The following ELK3 variants were observed in gnomAD, a reference collection of about 807,000 sequenced individuals.
ELK3 encodes ETS transcription factor ELK3.
ELK3 carries 10 observed loss-of-function variants against 28.9 expected under a neutral mutation model. The ratio of observed to expected loss-of-function variants is 0.35; its 90% confidence interval spans 0.21 to 0.59. The LOEUF (loss-of-function observed/expected upper bound fraction) is 0.59, where lower values mean the gene tolerates loss of function less well. Among genes scored for constraint, ELK3 ranks in the 20% least tolerant of loss-of-function variants. ELK3 has a pLI of 0.82. For missense variants in ELK3, 463 were observed against 517.3 expected, an observed-to-expected ratio of 0.90 and a Z score of 1.02; for synonymous variants, 272 against 243.5, an observed-to-expected ratio of 1.12 and a Z score of -1.09.
chr12:96,198,895 C>T (rs2193762), intron 1 of ELK3, among the ~76,000 whole-genome samples: 139,643 of 152,304 alleles, frequency 0.92, 64,130 homozygotes, highest in East Asian at 1. Context: ...TAATTAGTAC[C>T]GAGACCGAAA....
chr12:96,215,585 A>C (rs1951608679), intron 1 of ELK3, among the ~76,000 whole-genome samples: 1 of 152,068 alleles, frequency 6.6e-6, no homozygotes, highest in South Asian at 2.1e-4. Flanking sequence ...GAATGAATCA[A>C]AGTTAAATAA....
At chr12:96,231,938 T>C (rs565882147) in intron 2 of ELK3, among the ~76,000 whole-genome samples, 41 of 152,256 alleles carry the variant, frequency 2.7e-4, no homozygotes, top group African/African-American at 9.4e-4. Flanking sequence ...AAACCAATTT[T>C]AGTAGAGAAC....
At chr12:96,249,685 G>A (rs1460366430) in intron 3 of ELK3, among the ~76,000 whole-genome samples, 2 of 19,430 alleles carry the variant, frequency 1.0e-4, no homozygotes, top group African/African-American at 4.1e-4. Flanking sequence ...TGGGAGCCTG[G>A]ATCACCTTCT....
chr12:96,218,334 C>A (rs548209727), intron 1 of ELK3, among the ~76,000 whole-genome samples: 1 of 152,206 alleles, frequency 6.6e-6, no homozygotes, highest in Non-Finnish European at 1.5e-5. Flanking sequence ...TAAAAGCAGA[C>A]TGATGGGCCT....
At position 96,269,206 on chromosome 12, in the gene ELK3, C is replaced by T. The variant is rs113288723; in HGVS notation, c.*2026C>T. The T allele has an allele frequency of 2.0e-5, 3 of 152,246 alleles. No homozygotes were observed. The highest frequency in any genetic ancestry group is 1.9e-4 in the East Asian group (1 of 5,186). The allele number at this position is 152,246 out of a possible 1,614,324, so 9.4% of individuals were successfully genotyped here. A position where few individuals can be genotyped will look rare whatever the true frequency, so the allele number is the denominator to read the frequency against. Reference sequence around the variant, plus strand: ...TTAAGTAATTACTGGTTCAAAACTACGTGTTATTAGTAAAACAAACAAAAC... The same window carrying T: ...TTAAGTAATTACTGGTTCAAAACTATGTGTTATTAGTAAAACAAACAAAAC... On this transcript the variant is annotated 3_prime_UTR_variant, in exon 5 of 5. Coordinates refer to ENST00000228741, the MANE Select transcript of ELK3 (RefSeq NM_005230.4).
intron 1 of ELK3, chr12:96,212,647 G>A (rs2137006496): frequency 6.6e-6 from 1 of 152,330 alleles, no homozygotes; most frequent in South Asian, 2.1e-4. Flanking sequence ...AAGGCCGGGT[G>A]ACCAGTTGGC....
chr12:96,246,804 T>C, intron 2 of ELK3, 136 bp from the exon 3 acceptor site: 1 of 862,482 alleles, frequency 1.2e-6, no homozygotes, highest in South Asian at 1.8e-5. Context: ...TCATTCCTCC[T>C]TCCACTTTTC....
intron 4 of ELK3, among the ~76,000 whole-genome samples, chr12:96,263,670 A>C (rs1219937121): frequency 6.6e-6 from 1 of 152,238 alleles, no homozygotes; most frequent in African/African-American, 2.4e-5. Context: ...ACAGGCTCCA[A>C]GGAAGCAGTG....
At chr12:96,239,231 C>T (rs956083667) in intron 2 of ELK3, among the ~76,000 whole-genome samples, 2 of 152,114 alleles carry the variant, frequency 1.3e-5, no homozygotes, top group Non-Finnish European at 2.9e-5. Context: ...CTTTTATTTA[C>T]ACATATATGC....
chr12:96,244,445 GA>G (rs1374636515), intron 2 of ELK3, among the ~76,000 whole-genome samples: 1 of 140,800 alleles, frequency 7.1e-6, no homozygotes, highest in Admixed American at 7.1e-5. Flanking sequence ...AAGAAAATTA[GA>G]ATTTTTTTTT....
intron 1 of ELK3, among the ~76,000 whole-genome samples, chr12:96,196,418 G>A (rs1479361833): frequency 4.6e-5 from 1 of 21,644 alleles, no homozygotes; most frequent in Non-Finnish European, 8.5e-5. Context: ...TTGTCTTTGG[G>A]GGTGGGGGGG....
chr12:96,246,849 G>A (rs1021917089), intron 2 of ELK3, 91 bp from the exon 3 acceptor site: 12 of 1,334,138 alleles, frequency 9.0e-6, no homozygotes, highest in Non-Finnish European at 1.2e-5. Context: ...ACATTTTGGT[G>A]CTTCTGCCAG....
intron 4 of ELK3, among the ~76,000 whole-genome samples, chr12:96,265,918 A>G (rs1177556363): frequency 6.6e-6 from 1 of 152,246 alleles, no homozygotes; most frequent in Non-Finnish European, 1.5e-5. Flanking sequence ...AAATTAAAAC[A>G]GTAATTAAAG....
In ELK3 at chr12:96,223,796, G is replaced by A. The variant is rs754086796; in HGVS notation, c.207+23G>A. On this transcript the variant is annotated intron_variant, in intron 2 of 4. Transcript: ENST00000228741. ...AAGGTAAACCCTTGACCTTGCATGGGGCCGTCTTGGGGAGGGTGGAATCCC... is the reference window on the plus strand; with the variant it reads ...AAGGTAAACCCTTGACCTTGCATGGAGCCGTCTTGGGGAGGGTGGAATCCC... 7.4e-6 allele frequency: 12 copies of A among 1,611,698 alleles called. No homozygotes were observed. In the South Asian group the frequency reaches 1.3e-4, roughly 18 times the overall value.
chr12:96,226,223 C>T (rs1170116784), intron 2 of ELK3, among the ~76,000 whole-genome samples: 1 of 152,180 alleles, frequency 6.6e-6, no homozygotes, highest in East Asian at 1.9e-4. Context: ...GTCAGGAGTC[C>T]AGGTGGCTGG....
intron 1 of ELK3, among the ~76,000 whole-genome samples, chr12:96,197,798 AAATT>A (rs1951481998): frequency 6.6e-6 from 1 of 152,226 alleles, no homozygotes; most frequent in African/African-American, 2.4e-5. Context: ...CTTATATAAA[AAATT>A]AAATAAGTCA....
chr12:96,243,856 AT>A (rs1294966981), intron 2 of ELK3, among the ~76,000 whole-genome samples: 3 of 151,562 alleles, frequency 2.0e-5, no homozygotes, highest in Non-Finnish European at 1.5e-5. Flanking sequence ...AAAAAAAAAA[AT>A]TAGCTGGGCA....
chr12:96,266,647 A>T (rs929473654), intron 4 of ELK3, among the ~76,000 whole-genome samples: 1 of 152,208 alleles, frequency 6.6e-6, no homozygotes, highest in East Asian at 1.9e-4. Context: ...ACTGATGGCA[A>T]ATTTCAAAAT....
intron 2 of ELK3, 100 bp downstream of exon 2, chr12:96,223,873 T>C (rs1386615001): frequency 7.9e-7 from 1 of 1,273,088 alleles, no homozygotes; most frequent in Non-Finnish European, 1.1e-6. Context: ...TGAATCAAGT[T>C]AGAAAATAAA....
Sources: gnomAD v4.1 joint callset for allele counts (sites outside exome capture counted in the v4.1 genomes callset) on GRCh38, gnomAD v4.1.1 for gene constraint, MANE v1.5 for transcripts, NCBI Gene and HGNC (gene_info 2026-07-23, HGNC 2026-07-21) for gene names.